The following SBF2 variants were observed in gnomAD, a reference collection of about 807,000 sequenced individuals.
SBF2 encodes myotubularin-related protein 13.
A neutral mutation model predicts 225.2 loss-of-function variants in SBF2; 112 were observed. That is an observed-to-expected ratio of 0.50 (90% confidence interval 0.43 to 0.58). The LOEUF (loss-of-function observed/expected upper bound fraction) is 0.58. SBF2 is among the 20% of genes least tolerant of loss of function. The pLI, the probability that SBF2 is intolerant of heterozygous loss-of-function variation, is 0.00. For missense variants in SBF2, 1,996 were observed against 2,206.2 expected (o/e 0.90, Z 1.91); for synonymous variants, 763 against 773.3 (o/e 0.99, Z 0.22).
At chr11:9,992,620 A>C in intron 11 of SBF2, 77 bp from the exon 12 acceptor site, 1 of 1,398,768 alleles carries the variant, frequency 7.1e-7, no homozygotes. Context: ...ATACAATAAA[A>C]AGATCAAAGC....
intron 2 of SBF2, among the ~76,000 whole-genome samples, chr11:10,065,245 A>T (rs896820987): frequency 1.2e-4 from 19 of 152,194 alleles, no homozygotes; most frequent in African/African-American, 4.3e-4. Context: ...ACCTATAAAA[A>T]TTTGTAGGAT....
Position 10,218,326 on chromosome 11 carries a change from C to T in SBF2, c.56-24339G>A, listed in dbSNP as rs1004038101. On this transcript the variant is annotated intron_variant, in intron 1 of 39. Coordinates refer to ENST00000256190, the MANE Select transcript of SBF2 (RefSeq NM_030962.4). ...AATAGCACAGGAAAGACCCACCCCC[C>T]CCCCCACCCAATGATTCAATTACCT... Among the ~76,000 whole-genome samples the T allele has an allele frequency of 1.4e-4, 16 of 111,794 alleles. 1 individual carries two copies. Among genetic ancestry groups the T allele is most frequent in the Middle Eastern group, 4.5e-3 (1 of 224 alleles). 73.3% of individuals were successfully genotyped at this position (111,794 alleles called of 152,430 possible).
intron 2 of SBF2, among the ~76,000 whole-genome samples, chr11:10,108,344 A>G (rs977249915): frequency 2.6e-5 from 4 of 152,216 alleles, no homozygotes; most frequent in African/African-American, 7.2e-5. Context: ...CATAGACCCT[A>G]AACAAATACT....
intron 2 of SBF2, among the ~76,000 whole-genome samples, chr11:10,169,191 T>C (rs1956092644): frequency 6.6e-6 from 1 of 152,192 alleles, no homozygotes; most frequent in South Asian, 2.1e-4. Flanking sequence ...AATGCAATTA[T>C]ACTCCTTTAG....
chr11:9,983,245 A>G (rs1254912622), intron 13 of SBF2, among the ~76,000 whole-genome samples: 1 of 152,180 alleles, frequency 6.6e-6, no homozygotes, highest in African/African-American at 2.4e-5. Flanking sequence ...TGGGGGGCAC[A>G]GCGGGAGAGA....
chr11:10,269,043 G>T (rs1446116884), intron 1 of SBF2, among the ~76,000 whole-genome samples: 2 of 152,060 alleles, frequency 1.3e-5, no homozygotes, highest in Non-Finnish European at 2.9e-5. Context: ...AAGGAAGTAG[G>T]TATACTCCCA....
At chr11:9,839,147 T>C in intron 26 of SBF2, 1 of 323,848 alleles carries the variant, frequency 3.1e-6, no homozygotes, top group South Asian at 2.8e-5. Context: ...AAAGAGTTTG[T>C]GGCTCCCCAG....
intron 32 of SBF2, among the ~76,000 whole-genome samples, chr11:9,803,708 A>G (rs1238269637): frequency 2.0e-5 from 3 of 152,234 alleles, no homozygotes; most frequent in Admixed American, 6.5e-5. Context: ...AACTTAAGCC[A>G]GATTTGGCTG....
chr11:9,939,345 C>T (rs1327717268), intron 16 of SBF2, among the ~76,000 whole-genome samples: 1 of 151,276 alleles, frequency 6.6e-6, no homozygotes, highest in African/African-American at 2.4e-5. Context: ...ATCCGCCCAC[C>T]TTAGCCTCCC....
chr11:10,171,562 G>A (rs1293035383), intron 2 of SBF2, among the ~76,000 whole-genome samples: 2 of 152,076 alleles, frequency 1.3e-5, no homozygotes, highest in Non-Finnish European at 2.9e-5. Context: ...AGGATTTTTT[G>A]CATCAATGTT....
chr11:9,850,266 G>A, intron 21 of SBF2, 48 bp from the exon 22 acceptor site: 1 of 1,562,762 alleles, frequency 6.4e-7, no homozygotes, highest in South Asian at 1.1e-5. Flanking sequence ...CTAATTGATT[G>A]ATTTTTGGAG....
At chr11:10,112,972 T>A (rs1403764159) in intron 2 of SBF2, among the ~76,000 whole-genome samples, 1 of 152,224 alleles carries the variant, frequency 6.6e-6, no homozygotes, top group Admixed American at 6.5e-5. Context: ...TTGTATCTCA[T>A]AGAGATCATT....
chr11:9,834,646 T>C (rs771308302), intron 26 of SBF2, among the ~76,000 whole-genome samples: 1 of 152,198 alleles, frequency 6.6e-6, no homozygotes, highest in Non-Finnish European at 1.5e-5. Context: ...GCCTGAATTT[T>C]TGTAATACCA....
At chr11:10,270,797 T>C (rs984784473) in intron 1 of SBF2, among the ~76,000 whole-genome samples, 17 of 151,840 alleles carry the variant, frequency 1.1e-4, no homozygotes, top group Admixed American at 9.8e-4. Context: ...ATTGAGACCA[T>C]TGTGGCTAAC....
At chr11:9,985,866 A>G (rs1947178206) in intron 13 of SBF2, among the ~76,000 whole-genome samples, 1 of 152,234 alleles carries the variant, frequency 6.6e-6, no homozygotes. Context: ...GCAGCATTAG[A>G]CAGGTCATCA....
intron 26 of SBF2, among the ~76,000 whole-genome samples, chr11:9,836,490 A>C (rs577075019): frequency 6.6e-6 from 1 of 152,258 alleles, no homozygotes; most frequent in East Asian, 1.9e-4. Context: ...TTCTTGTGTC[A>C]GTCCTATACT....
At chr11:10,280,854 G>A (rs528426741) in intron 1 of SBF2, among the ~76,000 whole-genome samples, 1 of 152,192 alleles carries the variant, frequency 6.6e-6, no homozygotes, top group Non-Finnish European at 1.5e-5. Context: ...GGGGAGGCGG[G>A]CAGCCTTCAC....
At chr11:10,218,775 T>G (rs1365518868) in intron 1 of SBF2, among the ~76,000 whole-genome samples, 1 of 152,194 alleles carries the variant, frequency 6.6e-6, no homozygotes, top group Non-Finnish European at 1.5e-5. Context: ...CCCATGCAAG[T>G]CTGACATCCA....
Position 9,894,937 on chromosome 11 carries a change from G to A in SBF2, c.1929+1006C>T, listed in dbSNP as rs536214064. Among the ~76,000 whole-genome samples, 103 of 152,224 alleles carry A rather than the reference G, an allele frequency of 6.8e-4. 1 individual carries two copies. In the South Asian group the frequency reaches 0.019, roughly 29 times the overall value. ...GAGGAGGTTGCAATGAGCCGAGATT[G>A]AGCCATTGCACTCTAGCCTGGGCAA... On this transcript the variant is annotated intron_variant, in intron 17 of 39. Transcript: ENST00000256190.
Sources: gnomAD v4.1 joint callset for allele counts (sites outside exome capture counted in the v4.1 genomes callset) on GRCh38, gnomAD v4.1.1 for gene constraint, MANE v1.5 for transcripts, NCBI Gene and HGNC (gene_info 2026-07-23, HGNC 2026-07-21) for gene names.